The following SHB variants were observed in gnomAD, a reference collection of about 807,000 sequenced individuals.
SHB encodes SH2 domain containing adaptor protein B.
Under a neutral mutation model 52.3 loss-of-function variants are expected in SHB, and 20 were observed. The ratio of observed to expected loss-of-function variants is 0.38; its 90% CI spans 0.27 to 0.56. The LOEUF (loss-of-function observed/expected upper bound fraction) is 0.56, where lower values mean the gene tolerates loss of function less well. Among genes scored for constraint, SHB ranks in the 20% least tolerant of loss-of-function variants. SHB has a pLI of 0.71. For missense variants in SHB, 825 were observed against 723.3 expected, an observed-to-expected ratio of 1.14 and a Z score of -1.61; for synonymous variants, 397 against 316.5, an observed-to-expected ratio of 1.25 and a Z score of -2.70.
At chr9:37,991,092 GT>G (rs1200098257) in intron 2 of SHB, among the ~76,000 whole-genome samples, 3 of 152,160 alleles carry the variant, frequency 2.0e-5, no homozygotes, top group Non-Finnish European at 4.4e-5. Flanking sequence ...TTAAAAGGAA[GT>G]TGCAAATGTG....
chr9:37,968,194 C>G (rs1286211631), intron 3 of SHB, among the ~76,000 whole-genome samples: 1 of 152,210 alleles, frequency 6.6e-6, no homozygotes, highest in Non-Finnish European at 1.5e-5. Context: ...ACCAAATGAT[C>G]CTTTAGGGCT....
rs1587213359 is a variant in SHB, at chr9:37,959,132, T to C, written c.1055-3078A>G. ...GACGGGAAGACCAGTCAGGGAAAGGTGATGGAGGCTGACCCCCTCAATGAC... is the reference window on the plus strand; with the variant it reads ...GACGGGAAGACCAGTCAGGGAAAGGCGATGGAGGCTGACCCCCTCAATGAC... On this transcript the variant is annotated intron_variant, in intron 3 of 5. Coordinates refer to ENST00000377707, the MANE Select transcript of SHB (RefSeq NM_003028.3). Among the ~76,000 whole-genome samples, 4 of 152,156 alleles carry C rather than the reference T, an allele frequency of 2.6e-5. No individual in the cohort carries two copies. In the South Asian group the frequency reaches 8.3e-4, roughly 32 times the overall value.
At chr9:38,033,453 T>C (rs890595463) in intron 1 of SHB, among the ~76,000 whole-genome samples, 1 of 152,052 alleles carries the variant, frequency 6.6e-6, no homozygotes, top group African/African-American at 2.4e-5. Flanking sequence ...CTGGTAGAAT[T>C]TGGGAAGATC....
intron 3 of SHB, among the ~76,000 whole-genome samples, chr9:37,968,926 T>C (rs1433701285): frequency 6.6e-6 from 1 of 152,068 alleles, no homozygotes; most frequent in East Asian, 1.9e-4. Flanking sequence ...TACGGGCCCC[T>C]CTCTGTGCTG....
At chr9:37,997,643 C>T (rs2118031205) in intron 2 of SHB, among the ~76,000 whole-genome samples, 1 of 152,278 alleles carries the variant, frequency 6.6e-6, no homozygotes, top group South Asian at 2.1e-4. Flanking sequence ...GCAGAGTGGG[C>T]AAAACTCCTA....
In SHB at chr9:37,919,565, A is replaced by C; in HGVS notation, c.*256T>G. On this transcript the variant is annotated 3_prime_UTR_variant, in exon 6 of 6. Transcript: ENST00000377707. ...AAGGCATCTCTTTGGATTTGCAAATATTTTAATTCACAGAAACTCAAGGAG... is the reference window on the plus strand; with the variant it reads ...AAGGCATCTCTTTGGATTTGCAAATCTTTTAATTCACAGAAACTCAAGGAG... 1 of 334,646 alleles carries C rather than the reference A, an allele frequency of 3.0e-6. No individual in the cohort carries two copies. The highest frequency in any genetic ancestry group is 5.4e-6 in the Non-Finnish European group (1 of 184,968). 20.7% of individuals were successfully genotyped at this position (334,646 alleles called of 1,614,324 possible).
At chr9:37,947,011 C>T (rs975671223) in intron 5 of SHB, among the ~76,000 whole-genome samples, 1 of 152,172 alleles carries the variant, frequency 6.6e-6, no homozygotes, top group Admixed American at 6.5e-5. Context: ...GGTGTGCACG[C>T]CCCCCTGCTG....
chr9:37,924,604 C>T (rs1408356735), intron 5 of SHB, among the ~76,000 whole-genome samples: 1 of 152,102 alleles, frequency 6.6e-6, no homozygotes, highest in Non-Finnish European at 1.5e-5. Flanking sequence ...CTGTCCTGAC[C>T]CAGATGTCCC....
At chr9:38,038,038 G>A (rs1381888287) in intron 1 of SHB, among the ~76,000 whole-genome samples, 3 of 152,130 alleles carry the variant, frequency 2.0e-5, no homozygotes, top group African/African-American at 4.8e-5. Flanking sequence ...TTAAAAGTCA[G>A]GCCAAACTCT....
At chr9:37,953,929 T>C (rs1348410567) in intron 4 of SHB, among the ~76,000 whole-genome samples, 2 of 152,152 alleles carry the variant, frequency 1.3e-5, no homozygotes, top group African/African-American at 4.8e-5. Flanking sequence ...GCCTCTGGAC[T>C]TGGCTGGGGG....
At chr9:37,932,938 T>C (rs1231684968) in intron 5 of SHB, among the ~76,000 whole-genome samples, 2 of 152,246 alleles carry the variant, frequency 1.3e-5, no homozygotes, top group African/African-American at 4.8e-5. Flanking sequence ...TTACTATCTG[T>C]ATGTATTCTA....
chr9:37,970,654 A>G (rs2117956263), intron 3 of SHB, among the ~76,000 whole-genome samples: 1 of 152,260 alleles, frequency 6.6e-6, no homozygotes. Flanking sequence ...TGATGGAATG[A>G]AGCCTGGATG....
intron 1 of SHB, among the ~76,000 whole-genome samples, chr9:38,056,573 C>A (rs1821824654): frequency 6.6e-6 from 1 of 152,310 alleles, no homozygotes; most frequent in Non-Finnish European, 1.5e-5. Context: ...CTCATGTGAT[C>A]CACCCGCCTC....
intron 2 of SHB, among the ~76,000 whole-genome samples, chr9:37,976,012 A>G (rs768882910): frequency 3.3e-5 from 5 of 152,192 alleles, no homozygotes; most frequent in Non-Finnish European, 1.5e-5. Flanking sequence ...GGTAAAATAC[A>G]TATAATAACA....
chr9:38,009,532 G>A (rs997158594), intron 2 of SHB, among the ~76,000 whole-genome samples: 1 of 152,262 alleles, frequency 6.6e-6, no homozygotes, highest in Non-Finnish European at 1.5e-5. Flanking sequence ...AGAGCCAGGG[G>A]CAGAGCCAAG....
At chr9:37,958,814 C>T (rs774011680) in intron 3 of SHB, among the ~76,000 whole-genome samples, 8 of 152,194 alleles carry the variant, frequency 5.3e-5, no homozygotes, top group Non-Finnish European at 1.2e-4. Flanking sequence ...GGCTGAATGA[C>T]GGCACCCTGA....
At chr9:37,986,658 A>G (rs1820810365) in intron 2 of SHB, among the ~76,000 whole-genome samples, 1 of 152,216 alleles carries the variant, frequency 6.6e-6, no homozygotes, top group Non-Finnish European at 1.5e-5. Flanking sequence ...CAGAAAGCAA[A>G]ACACACTCCT....
chr9:38,007,164 T>G (rs763156396), intron 2 of SHB, among the ~76,000 whole-genome samples: 1 of 152,206 alleles, frequency 6.6e-6, no homozygotes, highest in Non-Finnish European at 1.5e-5. Context: ...AATGAATGAA[T>G]GCACTGCATT....
chr9:38,037,615 C>T lies in SHB; in HGVS notation c.718-21484G>A, dbSNP rs145112933. On this transcript the variant is annotated intron_variant, in intron 1 of 5. Coordinates refer to ENST00000377707, the MANE Select transcript of SHB (RefSeq NM_003028.3). ...AAGTGGGGATAGTAACAGAACCCAC[C>T]TCAGTGCTTGGCAACAGGAGGGGCT... Among the ~76,000 whole-genome samples the T allele has an allele frequency of 8.2e-3, 1,256 of 152,278 alleles. 12 individuals are homozygous for T. The highest frequency in any genetic ancestry group is 0.034 in the Middle Eastern group (10 of 294).
Sources: allele counts gnomAD v4.1 joint callset (sites outside exome capture counted in the v4.1 genomes callset), GRCh38; gene constraint gnomAD v4.1.1; transcripts MANE v1.5; gene names NCBI Gene and HGNC (gene_info 2026-07-23, HGNC 2026-07-21).